The following PCSK2 variants were observed in gnomAD, a reference collection of about 807,000 sequenced individuals.
PCSK2 encodes the protein proprotein convertase subtilisin/kexin type 2, also known as neuroendocrine convertase 2.
In PCSK2, 14 loss-of-function variants were observed where a neutral mutation model predicts 69.7. The observed-to-expected ratio is 0.20, with a 90% CI of 0.13 to 0.31. The LOEUF is 0.31. Among genes scored for constraint, PCSK2 ranks in the 10% least tolerant of loss-of-function variants. PCSK2 has a pLI of 1.00. For missense variants in PCSK2, 544 were observed against 842.5 expected, an observed-to-expected ratio of 0.65 and a Z score of 4.39; for synonymous variants, 307 against 320.7, an observed-to-expected ratio of 0.96 and a Z score of 0.46.
intron 1 of PCSK2, among the ~76,000 whole-genome samples, chr20:17,257,597 G>A (rs1009758069): frequency 6.6e-6 from 1 of 152,192 alleles, no homozygotes; most frequent in African/African-American, 2.4e-5. Flanking sequence ...ACAGGGCAGA[G>A]GTTTTCTTAA....
intron 11 of PCSK2, among the ~76,000 whole-genome samples, chr20:17,479,927 TCAAAGTCTGGAGTCTTGATGTTACAC>T (rs146290814): frequency 0.13 from 19,186 of 151,808 alleles, 1,168 homozygotes; most frequent in East Asian, 0.15. Flanking sequence ...GGGTTTATTC[TCAAAGTCTGGAGTCTTGATGTTACAC>T]CACGCAATCC....
At chr20:17,443,564 G>A (rs2032638987) in intron 8 of PCSK2, among the ~76,000 whole-genome samples, 1 of 152,136 alleles carries the variant, frequency 6.6e-6, no homozygotes, top group South Asian at 2.1e-4. Context: ...GATTTTCACT[G>A]AGAGGCACTT....
intron 2 of PCSK2, among the ~76,000 whole-genome samples, chr20:17,313,181 G>A (rs1183930311): frequency 3.9e-5 from 6 of 152,160 alleles, no homozygotes; most frequent in Non-Finnish European, 8.8e-5. Context: ...ACATTAGTGA[G>A]ATAGTTACAC....
At chr20:17,280,054 A>T (rs188805568) in intron 2 of PCSK2, among the ~76,000 whole-genome samples, 222 of 151,778 alleles carry the variant, frequency 1.5e-3, no homozygotes, top group Middle Eastern at 0.014. Flanking sequence ...AAACACTATT[A>T]TCAATTTAAT....
rs78755027 is a variant in PCSK2 at position 17,403,600 on chromosome 20, G to A, written c.544-5663G>A. On this transcript the variant is annotated intron_variant, in intron 5 of 11. Transcript: ENST00000262545. ...TCTCTTTCATTAGTCCATGAGCACA[G>A]TGCAATTTCAGCTAATACTGTTACA... 4.5e-3 allele frequency among the ~76,000 whole-genome samples: 680 copies of A among 152,350 alleles called. 17 individuals are homozygous for A. The highest frequency in any genetic ancestry group is 0.032 in the East Asian group (167 of 5,184).
At chr20:17,325,202 T>G (rs1348506888) in intron 2 of PCSK2, among the ~76,000 whole-genome samples, 1 of 152,098 alleles carries the variant, frequency 6.6e-6, no homozygotes, top group Non-Finnish European at 1.5e-5. Flanking sequence ...CTGTCTCCAC[T>G]TTTACTCACC....
intron 2 of PCSK2, among the ~76,000 whole-genome samples, chr20:17,332,744 T>C (rs1030110931): frequency 6.6e-6 from 1 of 152,196 alleles, no homozygotes; most frequent in African/African-American, 2.4e-5. Flanking sequence ...ACCAAGAAAC[T>C]GAGCTGTGCA....
chr20:17,441,144 A>G (rs1053078263), intron 8 of PCSK2, among the ~76,000 whole-genome samples: 1 of 152,118 alleles, frequency 6.6e-6, no homozygotes, highest in Admixed American at 6.5e-5. Flanking sequence ...ACACCACCCC[A>G]TTGGCACCCT....
At chr20:17,366,677 A>G (rs1053608730) in intron 4 of PCSK2, among the ~76,000 whole-genome samples, 8 of 152,206 alleles carry the variant, frequency 5.3e-5, no homozygotes, top group Non-Finnish European at 7.3e-5. Flanking sequence ...TCAGTCCATT[A>G]TTACTTTTTC....
rs778955027 is a variant in PCSK2 at position 17,227,272 on chromosome 20, G to A, written c.-34G>A. On this transcript the variant is annotated 5_prime_UTR_variant, in exon 1 of 12. Coordinates refer to ENST00000262545, the MANE Select transcript of PCSK2 (RefSeq NM_002594.5). ...AGTCCCCTGCTCCGCCAGCCTGCGC[G>A]CCTCCTAGCACCACTTTTCACTCCC... is the stretch of plus-strand genomic sequence containing the variant. 2.5e-6 allele frequency: 4 copies of A among 1,574,656 alleles called. No individual in the cohort carries two copies. The African/African-American group carries it at 4.1e-5, about 16-fold the overall frequency.
chr20:17,227,531 G>C lies in PCSK2; in HGVS notation c.177+49G>C, dbSNP rs750818445. The C allele has an allele frequency of 1.0e-5, 15 of 1,471,038 alleles. No individual in the cohort carries two copies. The East Asian group carries it at 1.1e-4, about 11-fold the overall frequency. 91.1% of individuals were successfully genotyped at this position (1,471,038 alleles called of 1,614,324 possible). ...ATGTTGTTTCAAAACGGGGGGACGG[G>C]GGGGCAGCCCTGCGCAATCTCATTG... On this transcript the variant is annotated intron_variant, in intron 1 of 11. Transcript: ENST00000262545.
chr20:17,369,398 GCACA>G (rs111813860), intron 5 of PCSK2, 121 bp downstream of exon 5: 36 of 688,652 alleles, frequency 5.2e-5, no homozygotes, highest in South Asian at 1.1e-4. Context: ...ACAGGAGCAT[GCACA>G]CACACACACA....
rs1337902071 is a variant in PCSK2, at chr20:17,351,413, C to T, written c.283-6914C>T. Among the ~76,000 whole-genome samples the T allele has an allele frequency of 5.3e-5, 8 of 152,256 alleles. No individual in the cohort carries two copies. The East Asian group carries it at 1.5e-3, about 29-fold the overall frequency. ...CACAGTGAAAAATGAAAACTACAGG[C>T]CAATATCCCTGATGAACATAGATGT... On this transcript the variant is annotated intron_variant, in intron 2 of 11. Transcript: ENST00000262545.
intron 1 of PCSK2, among the ~76,000 whole-genome samples, chr20:17,242,352 C>A (rs965392403): frequency 6.6e-6 from 1 of 152,208 alleles, no homozygotes; most frequent in East Asian, 1.9e-4. Context: ...TACAGAAGAA[C>A]ATTCATACAT....
chr20:17,335,462 T>TGTGTGTG (rs1555789125), intron 2 of PCSK2, among the ~76,000 whole-genome samples: 6 of 151,114 alleles, frequency 4.0e-5, no homozygotes, highest in Non-Finnish European at 8.8e-5. Flanking sequence ...TGTGTGTGTG[T>TGTGTGTG]TCCTTGTCTA....
chr20:17,303,442 A>AAT (rs1165546510), intron 2 of PCSK2, among the ~76,000 whole-genome samples: 62 of 57,938 alleles, frequency 1.1e-3, no homozygotes, highest in Non-Finnish European at 1.9e-3. Flanking sequence ...TATATAATAT[A>AAT]ATATATATTA....
chr20:17,243,839 C>T (rs10211683), intron 1 of PCSK2, among the ~76,000 whole-genome samples: 8,127 of 152,180 alleles, frequency 0.053, 270 homozygotes, highest in Middle Eastern at 0.16. Flanking sequence ...CTGTACTCTT[C>T]AAAAGTATTA....
At chr20:17,395,449 G>A (rs1400680101) in intron 5 of PCSK2, among the ~76,000 whole-genome samples, 1 of 152,112 alleles carries the variant, frequency 6.6e-6, no homozygotes, top group Non-Finnish European at 1.5e-5. Flanking sequence ...ATAAAAATGA[G>A]CTGCAGATGT....
chr20:17,253,715 A>G (rs1987077441), intron 1 of PCSK2, among the ~76,000 whole-genome samples: 1 of 152,200 alleles, frequency 6.6e-6, no homozygotes, highest in Non-Finnish European at 1.5e-5. Flanking sequence ...TTTCTCTTAT[A>G]TGCACCCGTA....
Sources: gnomAD v4.1 joint callset for allele counts (sites outside exome capture counted in the v4.1 genomes callset) on GRCh38, gnomAD v4.1.1 for gene constraint, MANE v1.5 for transcripts, NCBI Gene and HGNC (gene_info 2026-07-23, HGNC 2026-07-21) for gene names.